Variants in FAIM2 observed in about 807,000 individuals in gnomAD.
FAIM2 encodes the protein protein lifeguard 2.
In FAIM2, 27 loss-of-function variants were observed where a neutral mutation model predicts 47.4. That is an observed-to-expected ratio of 0.57 (90% confidence interval 0.42 to 0.78). FAIM2 has a LOEUF of 0.78. FAIM2 is among the 30% of genes least tolerant of loss of function. The pLI is 0.00. For synonymous variants in FAIM2, 156 were observed against 159.3 expected (o/e 0.98, Z 0.16); for missense variants, 311 against 389.4 (o/e 0.80, Z 1.69).
At position 49,878,152 on chromosome 12, in the gene FAIM2, GTA is replaced by G. The variant is rs1443539554; in HGVS notation, c.802-7501_802-7500del. Among the ~76,000 whole-genome samples the G allele has an allele frequency of 1.1e-4, 13 of 120,916 alleles. 1 individual carries two copies. The highest frequency in any genetic ancestry group is 1.8e-4 in the Non-Finnish European group (11 of 60,096). 79.3% of individuals were successfully genotyped at this position (120,916 alleles called of 152,430 possible). A position where few individuals can be genotyped will look rare whatever the true frequency, so the allele number is the denominator to read the frequency against. ...CATGTGAGTGTGCATGTGAGTGTGT[GTA>G]TGAGTGTATGTGTGTATGTGCATGT... On this transcript the variant is annotated intron_variant, in intron 11 of 11. Transcript: ENST00000320634.
At chr12:49,895,231 G>C (rs1946927902) in intron 5 of FAIM2, among the ~76,000 whole-genome samples, 1 of 152,108 alleles carries the variant, frequency 6.6e-6, no homozygotes. Flanking sequence ...AAGCCAGAGA[G>C]AGCATCTCTG....
chr12:49,897,673 A>C (rs943977741), intron 3 of FAIM2, 90 bp from the exon 4 acceptor site: 1 of 934,842 alleles, frequency 1.1e-6, no homozygotes, highest in East Asian at 2.5e-5. Context: ...CCAGGTCCCC[A>C]TCCTGTGCAC....
chr12:49,877,956 GTGTGTA>G (rs377026432), intron 11 of FAIM2, among the ~76,000 whole-genome samples: 5,303 of 149,814 alleles, frequency 0.035, 323 homozygotes, highest in African/African-American at 0.13. Flanking sequence ...GTGCGTATGT[GTGTGTA>G]TGTGTATGTG....
chr12:49,897,537 A>G lies in FAIM2; in HGVS notation c.362T>C (p.Val121Ala). 1 of 1,614,182 alleles carries G rather than the reference A, an allele frequency of 6.2e-7. No homozygotes were observed. Among genetic ancestry groups the G allele is most frequent in the Non-Finnish European group, 8.5e-7 (1 of 1,180,014 alleles). ...LIQLLVTLAVVALFTFCDPVK... is the reference protein window; with the variant it reads ...LIQLLVTLAVAALFTFCDPVK... ...AACTCACCAGAAAGTAAAGAGAGCC[A>G]CGACAGCCAAGGTCACCAGCAGCTG... is the stretch of plus-strand genomic sequence containing the variant. The change falls in exon 4 of 12, where the codon GTG (valine) becomes GCG (alanine). Residue 121 changes from valine to alanine, a missense_variant. Coordinates refer to ENST00000320634, the MANE Select transcript of FAIM2 (RefSeq NM_012306.4).
chr12:49,900,560 T>C (rs557209582), intron 2 of FAIM2, among the ~76,000 whole-genome samples: 1 of 152,198 alleles, frequency 6.6e-6, no homozygotes, highest in South Asian at 2.1e-4. Context: ...ACTCCCTCCC[T>C]GGGTCATGAA....
At chr12:49,898,812 G>T (rs569777395) in intron 2 of FAIM2, among the ~76,000 whole-genome samples, 6 of 152,196 alleles carry the variant, frequency 3.9e-5, no homozygotes, top group Admixed American at 3.9e-4. Context: ...ACAGGTATGA[G>T]CCACTGTGCC....
At chr12:49,871,541 A>G (rs1946702677) in intron 11 of FAIM2, among the ~76,000 whole-genome samples, 1 of 152,216 alleles carries the variant, frequency 6.6e-6, no homozygotes, top group South Asian at 2.1e-4. Context: ...ACCCTTAAGT[A>G]GCATATGAAA....
rs73293479 is a variant in FAIM2, at chr12:49,899,938, C to T, written c.211+1192G>A. 8.3e-3 allele frequency among the ~76,000 whole-genome samples: 1,266 copies of T among 152,320 alleles called. 18 individuals are homozygous for T. Among genetic ancestry groups the T allele is most frequent in the African/African-American group, 0.029 (1,203 of 41,568 alleles). ...TTCCTTAAAACAGCAGTCCTAGCAACGAGGATATGGGAAATGAGGAAGGGG... is the reference window on the plus strand; with the variant it reads ...TTCCTTAAAACAGCAGTCCTAGCAATGAGGATATGGGAAATGAGGAAGGGG... On this transcript the variant is annotated intron_variant, in intron 2 of 11. Transcript: ENST00000320634.
intron 1 of FAIM2, among the ~76,000 whole-genome samples, chr12:49,903,565 CAG>C (rs1371894488): frequency 1.3e-5 from 2 of 152,202 alleles, no homozygotes; most frequent in African/African-American, 2.4e-5. Context: ...GGCAGGGTGA[CAG>C]GGGAGGAGAG....
At chr12:49,894,334 C>A (rs1946920636) in intron 5 of FAIM2, among the ~76,000 whole-genome samples, 1 of 152,220 alleles carries the variant, frequency 6.6e-6, no homozygotes, top group African/African-American at 2.4e-5. Context: ...TGGTCTCACA[C>A]TTTTCCTCCT....
At chr12:49,888,364 G>A (rs562057239) in intron 10 of FAIM2, among the ~76,000 whole-genome samples, 6 of 152,156 alleles carry the variant, frequency 3.9e-5, no homozygotes, top group Non-Finnish European at 8.8e-5. Context: ...ACAACTGCTC[G>A]CAGCCCTACT....
chr12:49,888,730 C>A (rs903513657), intron 10 of FAIM2, among the ~76,000 whole-genome samples: 2 of 152,194 alleles, frequency 1.3e-5, no homozygotes. Flanking sequence ...CCCCCAGGAG[C>A]CCCAGAAGAC....
chr12:49,886,608 T>TG, intron 11 of FAIM2, among the ~76,000 whole-genome samples: 1 of 152,236 alleles, frequency 6.6e-6, no homozygotes. Context: ...CCGGAGTAGC[T>TG]GGAATACAGG....
At chr12:49,877,907 T>G (rs915413241) in intron 11 of FAIM2, among the ~76,000 whole-genome samples, 5 of 151,830 alleles carry the variant, frequency 3.3e-5, no homozygotes, top group Non-Finnish European at 7.4e-5. Context: ...TGTGTGTATA[T>G]GTGTCCATGT....
intron 11 of FAIM2, among the ~76,000 whole-genome samples, chr12:49,879,128 A>G (rs1434429812): frequency 1.6e-5 from 2 of 128,726 alleles, no homozygotes; most frequent in African/African-American, 6.0e-5. Flanking sequence ...GTATATGTGC[A>G]TATCTCTGCA....
intron 6 of FAIM2, 77 bp downstream of exon 6, chr12:49,890,987 G>A (rs546013588): frequency 3.5e-6 from 5 of 1,423,452 alleles, no homozygotes; most frequent in African/African-American, 1.4e-5. Context: ...GCTCACTGGT[G>A]GCTGGCAGGG....
intron 11 of FAIM2, among the ~76,000 whole-genome samples, chr12:49,875,387 A>G (rs910893186): frequency 6.6e-6 from 1 of 152,154 alleles, no homozygotes; most frequent in Non-Finnish European, 1.5e-5. Context: ...AGAGACTACC[A>G]GCCATATGTC....
chr12:49,870,878 A>G (rs886960527), intron 11 of FAIM2, among the ~76,000 whole-genome samples: 1 of 152,242 alleles, frequency 6.6e-6, no homozygotes, highest in Non-Finnish European at 1.5e-5. Flanking sequence ...AGCAGAGAAC[A>G]AGACAGCCGG....
In FAIM2 at chr12:49,901,200, C is replaced by A. The variant is rs373821205; in HGVS notation, c.141G>T (p.Met47Ile). The change falls in exon 2 of 12, where the codon ATG (methionine) becomes ATT (isoleucine). Residue 47 changes from methionine to isoleucine, a missense_variant. Physicochemically the swap from Met to Ile is conservative, Grantham distance 10 (BLOSUM62 1). Coordinates refer to ENST00000320634, the MANE Select transcript of FAIM2 (RefSeq NM_012306.4). ...GGGCTGGGGGGAAGGCCCCTGCCTT[C>A]ATCCCCTCCCCAGAGGTGGCTTCCT... ...SYEEATSGEG[M>I]KAGAFPPAPT... The A allele has an allele frequency of 6.2e-7, 1 of 1,611,476 alleles. No homozygotes were observed. Among genetic ancestry groups the A allele is most frequent in the African/African-American group, 1.3e-5 (1 of 74,774 alleles).
Sources: allele counts gnomAD v4.1 joint callset (sites outside exome capture counted in the v4.1 genomes callset), GRCh38; gene constraint gnomAD v4.1.1; transcripts MANE v1.5; gene names NCBI Gene and HGNC (gene_info 2026-07-23, HGNC 2026-07-21).